NOL4L: variants seen among roughly 807,000 people sequenced by gnomAD.
NOL4L encodes the protein nucleolar protein 4 like, also known as nucleolar protein 4-like.
Under a neutral mutation model 64.5 loss-of-function variants are expected in NOL4L, and 7 were observed. That is an observed-to-expected ratio of 0.11 (90% CI 0.06 to 0.20). The LOEUF (loss-of-function observed/expected upper bound fraction) is 0.20, where lower values mean the gene tolerates loss of function less well. NOL4L is among the 10% of genes least tolerant of loss of function. The pLI is 1.00. For synonymous variants in NOL4L, 413 were observed against 401.0 expected (o/e 1.03, Z -0.36); for missense variants, 680 against 967.1 (o/e 0.70, Z 3.94).
intron 5 of NOL4L, among the ~76,000 whole-genome samples, chr20:32,470,080 G>A (rs774752846): frequency 1.3e-5 from 2 of 152,202 alleles, no homozygotes; most frequent in African/African-American, 4.8e-5. Flanking sequence ...GCAATCCCCC[G>A]ACTGCCCACC....
Position 32,460,170 on chromosome 20 carries a change from C to T in NOL4L, c.842-3775G>A, listed in dbSNP as rs1414700041. 2.0e-5 allele frequency among the ~76,000 whole-genome samples: 3 copies of T among 152,184 alleles called. No individual in the cohort carries two copies. The highest frequency in any genetic ancestry group is 4.4e-5 in the Non-Finnish European group (3 of 68,036). On this transcript the variant is annotated intron_variant, in intron 5 of 10. Transcript: ENST00000621426. The surrounding 1 kb of genome is among the most constrained non-coding windows in gnomAD (Gnocchi z 5.7). The stretch of plus-strand genomic sequence containing the variant: ...AATAACAGTGCTTCTGGAGTGTACA[C>T]TTAAAAATGGCAAATTTTATGTCAC...
intron 1 of NOL4L, among the ~76,000 whole-genome samples, chr20:32,575,384 G>A (rs1390191746): frequency 1.3e-5 from 2 of 152,104 alleles, no homozygotes; most frequent in East Asian, 1.9e-4. Flanking sequence ...CGCTGACCCC[G>A]CCAAAACCAG....
chr20:32,448,133 G>C (rs3746612), intron 10 of NOL4L, among the ~76,000 whole-genome samples: 53,256 of 152,028 alleles, frequency 0.35, 10,432 homozygotes, highest in East Asian at 0.73. Flanking sequence ...TTGGGAATGG[G>C]AAATACTACT....
intron 3 of NOL4L, among the ~76,000 whole-genome samples, chr20:32,515,526 G>A (rs1346118226): frequency 1.3e-5 from 2 of 152,134 alleles, no homozygotes; most frequent in Non-Finnish European, 2.9e-5. Flanking sequence ...ATAAGTGGGT[G>A]CACACTGAGA....
chr20:32,527,941 G>C, intron 1 of NOL4L, 28 bp from the exon 2 acceptor site: 3 of 1,544,278 alleles, frequency 1.9e-6, no homozygotes. Flanking sequence ...AGCTGTGTTA[G>C]TGTCAGGAAT....
intron 1 of NOL4L, among the ~76,000 whole-genome samples, chr20:32,560,628 T>G (rs1978951094): frequency 6.6e-6 from 1 of 152,250 alleles, no homozygotes; most frequent in African/African-American, 2.4e-5. Flanking sequence ...AGGTAAGAAC[T>G]GTTATTATAT....
chr20:32,545,504 G>T (rs1020388541), intron 1 of NOL4L, among the ~76,000 whole-genome samples: 16 of 152,304 alleles, frequency 1.1e-4, no homozygotes, highest in African/African-American at 3.6e-4. Flanking sequence ...GCCCCCTGGA[G>T]AGCCAGGGCG....
At chr20:32,584,299 C>G (rs1980744242) in intron 1 of NOL4L, among the ~76,000 whole-genome samples, 1 of 151,198 alleles carries the variant, frequency 6.6e-6, no homozygotes, top group Non-Finnish European at 1.5e-5. Flanking sequence ...ACGGAACATG[C>G]TGGGGTGAGC....
In NOL4L at chr20:32,452,940, T is replaced by C; in HGVS notation, c.1564A>G (p.Ser522Gly). The change falls in exon 9 of 11, where the codon AGC (serine) becomes GGC (glycine). Residue 522 changes from serine to glycine, a missense_variant. Around this residue, in one of 4 missense-constraint regions of NOL4L, gnomAD observed 175 missense variants for 227.0 expected, o/e 0.77. Coordinates refer to ENST00000621426, the MANE Select transcript of NOL4L (RefSeq NM_001256798.2). ...CGCTTGGCTGCCTTTCTTGTCTCGC[T>C]CTCACAGGCAGCTGCCAGGATGTTT... ...AENILAAACE[S>G]ETRKAAKRMR... The C allele has an allele frequency of 6.2e-7, 1 of 1,614,090 alleles. No homozygotes were observed. Among genetic ancestry groups the C allele is most frequent in the Non-Finnish European group, 8.5e-7 (1 of 1,180,030 alleles).
At position 32,490,411 on chromosome 20, in the gene NOL4L, G is replaced by A. The variant is rs569823189; in HGVS notation, c.700-15669C>T. 7.9e-5 allele frequency among the ~76,000 whole-genome samples: 12 copies of A among 152,268 alleles called. 1 individual carries two copies. The highest frequency in any genetic ancestry group is 2.9e-4 in the African/African-American group (12 of 41,546). ...TACTGTGAATCAAAGAAGTTGGGAG[G>A]CTTGCGACAGGTGGAAAGTAGGGAG... On this transcript the variant is annotated intron_variant, in intron 4 of 10. Transcript: ENST00000621426.
chr20:32,484,063 GC>G lies in NOL4L; in HGVS notation c.700-9322del, dbSNP rs559549235. The stretch of plus-strand genomic sequence containing the variant: ...GGGGGCTGGGGGGAGAGGGCACCCG[GC>G]GGGCTGTCTGCGGTCAGGCCAGGAG... On this transcript the variant is annotated intron_variant, in intron 4 of 10. Transcript: ENST00000621426. Among the ~76,000 whole-genome samples, 20 of 152,146 alleles carry G rather than the reference GC, an allele frequency of 1.3e-4. No homozygotes were observed. The South Asian group carries it at 2.1e-3, about 16-fold the overall frequency.
At chr20:32,494,695 G>A (rs1335469134) in intron 4 of NOL4L, among the ~76,000 whole-genome samples, 1 of 152,038 alleles carries the variant, frequency 6.6e-6, no homozygotes, top group East Asian at 1.9e-4. Flanking sequence ...TGGGAACCAC[G>A]TGACCCTTTT....
intron 5 of NOL4L, among the ~76,000 whole-genome samples, chr20:32,469,972 G>A (rs1011590319): frequency 9.2e-5 from 14 of 152,244 alleles, no homozygotes; most frequent in African/African-American, 2.4e-4. Context: ...GGGAGCCCGT[G>A]TGTCCCGAGG....
intron 5 of NOL4L, among the ~76,000 whole-genome samples, chr20:32,467,063 G>T (rs2014617066): frequency 6.6e-6 from 1 of 152,132 alleles, no homozygotes; most frequent in African/African-American, 2.4e-5. Context: ...GGGTGGCCTG[G>T]TCGTTACTCC....
chr20:32,514,471 A>G, intron 3 of NOL4L, among the ~76,000 whole-genome samples: 1 of 151,950 alleles, frequency 6.6e-6, no homozygotes, highest in Non-Finnish European at 1.5e-5. Context: ...CAGCCTGGTG[A>G]CAGAGCAAGA....
chr20:32,507,544 C>T (rs1265544647), intron 4 of NOL4L, among the ~76,000 whole-genome samples: 1 of 152,162 alleles, frequency 6.6e-6, no homozygotes, highest in African/African-American at 2.4e-5. Flanking sequence ...TGATTCTGTC[C>T]AGCCCTCAAG....
intron 6 of NOL4L, among the ~76,000 whole-genome samples, chr20:32,455,107 G>A (rs1319414965): frequency 6.6e-6 from 1 of 152,242 alleles, no homozygotes; most frequent in East Asian, 1.9e-4. Context: ...GCCAAACCCT[G>A]AGCCAGGGCC....
chr20:32,463,532 G>T lies in NOL4L; in HGVS notation c.842-7137C>A, dbSNP rs1368925039. Among the ~76,000 whole-genome samples, 1 of 152,184 alleles carries T rather than the reference G, an allele frequency of 6.6e-6. No homozygotes were observed. Among genetic ancestry groups the T allele is most frequent in the East Asian group, 1.9e-4 (1 of 5,194 alleles). On this transcript the variant is annotated intron_variant, in intron 5 of 10. Coordinates refer to ENST00000621426, the MANE Select transcript of NOL4L (RefSeq NM_001256798.2). The surrounding 1 kb of genome is among the most constrained non-coding windows in gnomAD (Gnocchi z 5.8). ...AAGGGCGACTCCTTCATCTGGGCAG[G>T]ACCCGGAGCCCACCACCTGTGCCCA...
At chr20:32,454,384 C>T (rs2013261164) in intron 6 of NOL4L, among the ~76,000 whole-genome samples, 1 of 152,198 alleles carries the variant, frequency 6.6e-6, no homozygotes, top group Non-Finnish European at 1.5e-5. Flanking sequence ...AGCACAGTGG[C>T]CCCTTGAGAA....
Sources: allele counts gnomAD v4.1 joint callset (sites outside exome capture counted in the v4.1 genomes callset), GRCh38; gene constraint gnomAD v4.1.1; regional missense constraint gnomAD v4.1.1; non-coding constraint Gnocchi (gnomAD v3.1); transcripts MANE v1.5; gene names NCBI Gene and HGNC (gene_info 2026-07-23, HGNC 2026-07-21).